The following FGF14 variants were observed in gnomAD, a reference collection of about 807,000 sequenced individuals.
The protein encoded by FGF14 is fibroblast growth factor homologous factor 4.
In FGF14, 5 loss-of-function variants were observed where a neutral mutation model predicts 25.5. The observed-to-expected ratio is 0.20, with a 90% CI of 0.10 to 0.41. FGF14 has a LOEUF of 0.41. Among genes scored for constraint, FGF14 ranks in the 10% least tolerant of loss-of-function variants. The pLI, the probability that FGF14 is intolerant of heterozygous loss-of-function variation, is 1.00. For missense variants in FGF14, 222 were observed against 320.1 expected (o/e 0.69, Z 2.34); for synonymous variants, 138 against 118.3 (o/e 1.17, Z -1.08).
At chr13:102,238,435 A>T (rs2051429999) in intron 1 of FGF14, among the ~76,000 whole-genome samples, 1 of 152,222 alleles carries the variant, frequency 6.6e-6, no homozygotes, top group Non-Finnish European at 1.5e-5. Flanking sequence ...TGTAGAAGAT[A>T]CACATTTCAT....
At chr13:102,383,029 A>G (rs1257440612) in intron 1 of FGF14, among the ~76,000 whole-genome samples, 1 of 152,084 alleles carries the variant, frequency 6.6e-6, no homozygotes, top group Non-Finnish European at 1.5e-5. Flanking sequence ...GATAGTGGTA[A>G]TGGTTGCACA....
At chr13:102,391,273 G>A (rs1278117470) in intron 1 of FGF14, among the ~76,000 whole-genome samples, 2 of 152,154 alleles carry the variant, frequency 1.3e-5, no homozygotes, top group African/African-American at 4.8e-5. Flanking sequence ...CTACAACAAA[G>A]GGCAAGCGGT....
chr13:102,283,463 T>C (rs1404822732), intron 1 of FGF14, among the ~76,000 whole-genome samples: 1 of 152,208 alleles, frequency 6.6e-6, no homozygotes, highest in Non-Finnish European at 1.5e-5. Context: ...TTATGGAGGA[T>C]GCATATTAAG....
chr13:102,138,877 GT>G (rs1309775809), intron 1 of FGF14, among the ~76,000 whole-genome samples: 2 of 152,188 alleles, frequency 1.3e-5, no homozygotes, highest in African/African-American at 4.8e-5. Context: ...GTAAAACCGT[GT>G]TTTAGTGTTT....
intron 1 of FGF14, among the ~76,000 whole-genome samples, chr13:101,888,318 G>C (rs773216495): frequency 1.6e-4 from 23 of 147,086 alleles, no homozygotes; most frequent in Admixed American, 7.3e-4. Flanking sequence ...TAAAATAAAT[G>C]TTAAAATTTT....
Position 102,171,892 on chromosome 13 carries a change from GTTT to G in FGF14, c.208+229576_208+229578del, listed in dbSNP as rs11354485. On this transcript the variant is annotated intron_variant, in intron 1 of 4. Coordinates refer to the FGF14 transcript ENST00000376131. ...AACACAAAATCTTTAAATATTCTAG[GTTT>G]TTTTTTTTTTGCTGTTCTGTATATT... Among the ~76,000 whole-genome samples, 240 of 145,896 alleles carry G rather than the reference GTTT, an allele frequency of 1.6e-3. 1 individual carries two copies. The highest frequency in any genetic ancestry group is 5.2e-3 in the African/African-American group (210 of 40,200).
intron 1 of FGF14, among the ~76,000 whole-genome samples, chr13:102,396,531 C>A (rs1448424943): frequency 6.6e-6 from 1 of 152,136 alleles, no homozygotes; most frequent in Non-Finnish European, 1.5e-5. Flanking sequence ...ACAAAAGTCT[C>A]CAATGTTTGT....
chr13:102,037,725 A>G (rs1262181996), intron 1 of FGF14, among the ~76,000 whole-genome samples: 1 of 152,202 alleles, frequency 6.6e-6, no homozygotes, highest in African/African-American at 2.4e-5. Context: ...CTATATAAAC[A>G]TTTATTAAAG....
At chr13:101,850,734 T>C (rs1015193093) in intron 3 of FGF14, among the ~76,000 whole-genome samples, 7 of 148,066 alleles carry the variant, frequency 4.7e-5, no homozygotes, top group East Asian at 2.0e-4. Flanking sequence ...AGAGAAGATA[T>C]ATAGAGTGTG....
chr13:102,250,695 A>G (rs1042334083), intron 1 of FGF14, among the ~76,000 whole-genome samples: 2 of 152,228 alleles, frequency 1.3e-5, no homozygotes, highest in African/African-American at 4.8e-5. Flanking sequence ...TTAAAGAGAC[A>G]TATTTGTTTC....
intron 1 of FGF14, among the ~76,000 whole-genome samples, chr13:102,013,289 C>T (rs183799477): frequency 6.6e-6 from 1 of 152,228 alleles, no homozygotes; most frequent in East Asian, 1.9e-4. Context: ...GTATTTCCTG[C>T]TCAGGTGTGC....
At chr13:102,296,434 G>A (rs543114343) in intron 1 of FGF14, among the ~76,000 whole-genome samples, 6 of 152,240 alleles carry the variant, frequency 3.9e-5, no homozygotes, top group Admixed American at 3.3e-4. Context: ...CTGCAGAATA[G>A]GGCAATGGAC....
At chr13:101,982,494 T>C (rs1202860570) in intron 1 of FGF14, among the ~76,000 whole-genome samples, 1 of 152,224 alleles carries the variant, frequency 6.6e-6, no homozygotes, top group Non-Finnish European at 1.5e-5. Context: ...GTGCACACTC[T>C]GCCACCCTAA....
chr13:102,143,217 T>C (rs141220960), intron 1 of FGF14, among the ~76,000 whole-genome samples: 132 of 152,296 alleles, frequency 8.7e-4, no homozygotes, highest in African/African-American at 2.8e-3. Flanking sequence ...CTCTACAAAA[T>C]ACTTTCAAAT....
chr13:102,363,516 C>T (rs971549342), intron 1 of FGF14, among the ~76,000 whole-genome samples: 1 of 152,172 alleles, frequency 6.6e-6, no homozygotes, highest in African/African-American at 2.4e-5. Context: ...AGGCATGGTA[C>T]ATGCTCAATT....
chr13:101,940,260 G>A (rs1445464754), intron 1 of FGF14, among the ~76,000 whole-genome samples: 1 of 152,216 alleles, frequency 6.6e-6, no homozygotes, highest in Non-Finnish European at 1.5e-5. Flanking sequence ...TTTTAAAAGG[G>A]TGATCGGGAG....
At chr13:101,958,882 C>T (rs36045201) in intron 1 of FGF14, among the ~76,000 whole-genome samples, 15,395 of 152,218 alleles carry the variant, frequency 0.1, 908 homozygotes, top group Admixed American at 0.2. Flanking sequence ...TAAGCAATTG[C>T]TATGGCTTTA....
intron 3 of FGF14, among the ~76,000 whole-genome samples, chr13:101,806,413 CGTCT>C (rs1346831073): frequency 6.9e-6 from 1 of 144,632 alleles, no homozygotes; most frequent in Non-Finnish European, 1.5e-5. Context: ...AGCAAGACTC[CGTCT>C]AAGAAGAAAA....
chr13:102,210,806 G>A (rs1268568682), intron 1 of FGF14, among the ~76,000 whole-genome samples: 4 of 152,150 alleles, frequency 2.6e-5, no homozygotes, highest in Admixed American at 6.5e-5. Context: ...TGGAAAATGA[G>A]GGGGTTTCAA....
Sources: gnomAD v4.1 joint callset for allele counts (sites outside exome capture counted in the v4.1 genomes callset) on GRCh38, gnomAD v4.1.1 for gene constraint, MANE v1.5 for transcripts, NCBI Gene and HGNC (gene_info 2026-07-23, HGNC 2026-07-21) for gene names.